The following OPHN1 variants were observed in gnomAD, a reference collection of about 807,000 sequenced individuals.
OPHN1 encodes oligophrenin 1.
A neutral mutation model predicts 60.7 loss-of-function variants in OPHN1; 11 were observed. The observed-to-expected ratio is 0.18, with a 90% CI of 0.11 to 0.30. The LOEUF (loss-of-function observed/expected upper bound fraction) is 0.30, where lower values mean the gene tolerates loss of function less well. Ranked by LOEUF, OPHN1 falls within the 10% of genes least tolerant of loss-of-function variation. The pLI is 1.00. For missense variants in OPHN1, 449 were observed against 611.0 expected (o/e 0.73, Z 2.80); for synonymous variants, 226 against 222.6 (o/e 1.02, Z -0.14).
intron 21 of OPHN1, among the ~76,000 whole-genome samples, chrX:68,058,240 G>A (rs1271526314): frequency 3.8e-5 from 4 of 104,257 alleles, no homozygotes; most frequent in African/African-American, 1.1e-4. Flanking sequence ...GAGGGCTTTT[G>A]TGCCCAACCC....
At chrX:68,131,190 TTTTATTTATTTATTTATTTA>T (rs60984024) in intron 15 of OPHN1, among the ~76,000 whole-genome samples, 15 of 98,482 alleles carry the variant, frequency 1.5e-4, no homozygotes, top group Non-Finnish European at 3.0e-4. Flanking sequence ...CAAAGAACAC[TTTTATTTATTTATTTATTTA>T]TTTATTTATT....
chrX:68,387,444 T>C (rs901149265), intron 2 of OPHN1, among the ~76,000 whole-genome samples: 1 of 111,700 alleles, frequency 9.0e-6, no homozygotes, highest in Non-Finnish European at 1.9e-5. Flanking sequence ...CAGAAGTATC[T>C]TGAAAATACA....
chrX:68,188,968 T>A (rs2077475409), intron 15 of OPHN1, among the ~76,000 whole-genome samples: 1 of 112,316 alleles, frequency 8.9e-6, no homozygotes, highest in Admixed American at 9.5e-5. Flanking sequence ...AATGATGAAA[T>A]AAGAAATTTA....
At position 68,376,004 on chromosome X, in the gene OPHN1, T is replaced by G. The variant is rs760744528; in HGVS notation, c.154+56863A>C. On this transcript the variant is annotated intron_variant, in intron 2 of 24. Transcript: ENST00000355520. ...ACCATATTCTATAGCCTCCCCCTGA[T>G]CTGCTCTTCAGTCACTGGATCTGTG... 2.7e-5 allele frequency among the ~76,000 whole-genome samples: 3 copies of G among 111,808 alleles called. No individual in the cohort carries two copies. The East Asian group carries it at 8.5e-4, about 32-fold the overall frequency.
chrX:68,070,108 T>C (rs985230302), intron 20 of OPHN1, among the ~76,000 whole-genome samples: 4 of 111,940 alleles, frequency 3.6e-5, no homozygotes, highest in Non-Finnish European at 5.6e-5. Context: ...TTATTGTCTA[T>C]TTAATGGATC....
chrX:68,096,719 G>A (rs2077039443), intron 19 of OPHN1, 151 bp downstream of exon 19: 3 of 549,579 alleles, frequency 5.5e-6, no homozygotes, highest in Admixed American at 2.5e-5. Context: ...GAATTTCCCA[G>A]GGTCAGAGTT....
intron 15 of OPHN1, among the ~76,000 whole-genome samples, chrX:68,124,070 A>T (rs2077160215): frequency 9.0e-6 from 1 of 111,349 alleles, no homozygotes; most frequent in Non-Finnish European, 1.9e-5. Flanking sequence ...ATGGAAACCA[A>T]AAAAGAACAG....
At chrX:68,304,709 T>C (rs905233644) in intron 2 of OPHN1, among the ~76,000 whole-genome samples, 1 of 111,335 alleles carries the variant, frequency 9.0e-6, no homozygotes, top group Non-Finnish European at 1.9e-5. Context: ...TATTAAGGTA[T>C]GCTAATCAAA....
chrX:68,341,968 GTTT>G (rs1173542561), intron 2 of OPHN1, among the ~76,000 whole-genome samples: 5,262 of 84,676 alleles, frequency 0.062, 325 homozygotes, highest in African/African-American at 0.23. Flanking sequence ...AATTTTTGGT[GTTT>G]TTTTTTTTTT....
Position 68,048,453 on chromosome X carries a change from G to C in OPHN1, c.2380C>G (p.Gln794Glu). ...ETASRKTGSS[Q>E]GRLPGDES ...CTTTCATCTCCAGGAAGTCTGCCTT[G>C]AGAACTGTGGATAAAGAAAGACGTT... is the stretch of plus-strand genomic sequence containing the variant. The change falls in exon 24 of 25, where the codon CAA becomes GAA. Residue 794 changes from glutamine (Q) to glutamate (E), a missense_variant. Around this residue, in one of 4 missense-constraint regions of OPHN1, gnomAD observed 184 missense variants for 160.5 expected, o/e 1.15. Coordinates refer to ENST00000355520, the MANE Select transcript of OPHN1 (RefSeq NM_002547.3). The C allele has an allele frequency of 8.3e-7, 1 of 1,208,448 alleles. No homozygotes were observed. The highest frequency in any genetic ancestry group is 1.1e-6 in the Non-Finnish European group (1 of 892,763).
chrX:68,274,097 C>T (rs2077981862), intron 5 of OPHN1, among the ~76,000 whole-genome samples: 1 of 111,655 alleles, frequency 9.0e-6, no homozygotes, highest in South Asian at 3.8e-4. Context: ...ATGAAGGATC[C>T]ACCCCCATGA....
At chrX:68,071,188 T>C (rs1292595782) in intron 20 of OPHN1, 1 of 666,531 alleles carries the variant, frequency 1.5e-6, no homozygotes, top group Non-Finnish European at 2.5e-6. Flanking sequence ...CTTCACAAAG[T>C]AGTTCAGCTC....
At chrX:68,098,743 C>G (rs2077047003) in intron 18 of OPHN1, among the ~76,000 whole-genome samples, 1 of 111,466 alleles carries the variant, frequency 9.0e-6, no homozygotes, top group Non-Finnish European at 1.9e-5. Context: ...TATCTCCATG[C>G]TAACACCAAG....
chrX:68,254,296 T>A (rs1245127329), intron 5 of OPHN1, among the ~76,000 whole-genome samples: 1 of 111,426 alleles, frequency 9.0e-6, no homozygotes, highest in Non-Finnish European at 1.9e-5. Context: ...TGAGGCAATC[T>A]CTCTTTGGAA....
At chrX:68,258,110 C>T (rs1452519933) in intron 5 of OPHN1, among the ~76,000 whole-genome samples, 1 of 110,264 alleles carries the variant, frequency 9.1e-6, no homozygotes, top group Non-Finnish European at 1.9e-5. Flanking sequence ...TTCCCTTCTA[C>T]TCTAGTGAAG....
intron 5 of OPHN1, among the ~76,000 whole-genome samples, chrX:68,236,152 G>A (rs193075205): frequency 1.4e-3 from 155 of 111,172 alleles, no homozygotes; most frequent in African/African-American, 4.8e-3. Context: ...TAATCAAGAC[G>A]TCTTAGGAAT....
intron 23 of OPHN1, among the ~76,000 whole-genome samples, chrX:68,049,406 T>C (rs1290167677): frequency 1.8e-5 from 2 of 112,071 alleles, no homozygotes; most frequent in Non-Finnish European, 1.9e-5. Flanking sequence ...AGTGCCCAAG[T>C]TAGACTTTTC....
intron 19 of OPHN1, among the ~76,000 whole-genome samples, chrX:68,081,439 G>C (rs2076974126): frequency 9.0e-6 from 1 of 111,376 alleles, no homozygotes; most frequent in Non-Finnish European, 1.9e-5. Context: ...TACCTCATAG[G>C]GTTGTTGTGA....
At chrX:68,376,524 G>A (rs939829947) in intron 2 of OPHN1, among the ~76,000 whole-genome samples, 2 of 111,282 alleles carry the variant, frequency 1.8e-5, no homozygotes, top group African/African-American at 6.5e-5. Context: ...CTGTTTGGTG[G>A]GTGTGTTACT....
Sources: gnomAD v4.1 joint callset for allele counts (sites outside exome capture counted in the v4.1 genomes callset) on GRCh38, gnomAD v4.1.1 for gene constraint, gnomAD v4.1.1 regional missense constraint, MANE v1.5 for transcripts, NCBI Gene and HGNC (gene_info 2026-07-23, HGNC 2026-07-21) for gene names.